The following SSX2IP variants were observed in gnomAD, a reference collection of about 807,000 sequenced individuals.
The protein encoded by SSX2IP is SSX family member 2 interacting protein.
A neutral mutation model predicts 84.9 loss-of-function variants in SSX2IP; 55 were observed. That is an observed-to-expected ratio of 0.65 (90% CI 0.52 to 0.81). The LOEUF is 0.81. SSX2IP is among the 30% of genes least tolerant of loss of function. SSX2IP has a pLI of 0.00. For missense variants in SSX2IP, 664 were observed against 705.2 expected, an observed-to-expected ratio of 0.94 and a Z score of 0.66; for synonymous variants, 239 against 234.7, an observed-to-expected ratio of 1.02 and a Z score of -0.17.
At chr1:84,676,976 AAGT>A (rs1353790403) in intron 1 of SSX2IP, among the ~76,000 whole-genome samples, 1 of 151,972 alleles carries the variant, frequency 6.6e-6, no homozygotes, top group Non-Finnish European at 1.5e-5. Context: ...CGGACTTCCA[AAGT>A]GCTGGGATTA....
chr1:84,684,979 G>A (rs1183222239), intron 1 of SSX2IP, among the ~76,000 whole-genome samples: 1 of 151,700 alleles, frequency 6.6e-6, no homozygotes, highest in Non-Finnish European at 1.5e-5. Flanking sequence ...AAGGAATGGA[G>A]GGGCCCACAG....
chr1:84,661,926 A>C (rs895952032), intron 8 of SSX2IP, among the ~76,000 whole-genome samples: 2 of 152,204 alleles, frequency 1.3e-5, no homozygotes, highest in Non-Finnish European at 2.9e-5. Flanking sequence ...GTTATGAGGA[A>C]TATTATAAAA....
intron 1 of SSX2IP, among the ~76,000 whole-genome samples, chr1:84,679,281 C>T (rs1323906227): frequency 6.6e-6 from 1 of 152,172 alleles, no homozygotes; most frequent in Non-Finnish European, 1.5e-5. Flanking sequence ...AATATCTCTG[C>T]ACCTTAAAAT....
Position 84,647,581 on chromosome 1 carries a change from G to A in SSX2IP, c.1697C>T (p.Ala566Val), listed in dbSNP as rs780760560. 6 of 1,610,728 alleles carry A rather than the reference G, an allele frequency of 3.7e-6. No individual in the cohort carries two copies. Among genetic ancestry groups the A allele is most frequent in the Non-Finnish European group, 5.1e-6 (6 of 1,178,216 alleles). ...AACCTGATTTGGTTTAATTTCTTCA[G>A]CAGTTATATTCAGTACATTGATTGA... Reference protein sequence around the residue: ...HSSINVLNITAEEIKPNQVGG... With the variant: ...HSSINVLNITVEEIKPNQVGG... Residue 566 changes from alanine to valine, a missense_variant, in exon 14 of 14, where the codon GCT becomes GTT. By Grantham distance (64) the Ala-to-Val change is moderately conservative. Coordinates refer to ENST00000342203, the MANE Select transcript of SSX2IP (RefSeq NM_001166293.2).
At chr1:84,647,948 C>T (rs1030634367) in intron 13 of SSX2IP, among the ~76,000 whole-genome samples, 1 of 151,836 alleles carries the variant, frequency 6.6e-6, no homozygotes, top group Non-Finnish European at 1.5e-5. Flanking sequence ...TTCTGATGAC[C>T]AAATTACTAT....
At position 84,664,561 on chromosome 1, in the gene SSX2IP, G is replaced by C; in HGVS notation, c.538-9C>G. On this transcript the variant is annotated splice_polypyrimidine_tract_variant and intron_variant, in intron 5 of 13. Transcript: ENST00000342203. ...TTTTGTAATTTTTGCACCTGAAAAA[G>C]GCATTTGCTATTATAAGCCCAGTAA... The C allele has an allele frequency of 6.4e-7, 1 of 1,566,298 alleles. No individual in the cohort carries two copies. The highest frequency in any genetic ancestry group is 8.6e-7 in the Non-Finnish European group (1 of 1,162,934).
At chr1:84,650,633 G>A in intron 12 of SSX2IP, 106 bp from the exon 13 acceptor site, 1 of 1,164,316 alleles carries the variant, frequency 8.6e-7, no homozygotes. Context: ...AGTGAGGAAA[G>A]AGATGGAACA....
At chr1:84,676,689 AATCTG>A (rs1223777532) in intron 1 of SSX2IP, among the ~76,000 whole-genome samples, 2 of 147,762 alleles carry the variant, frequency 1.4e-5, no homozygotes, top group Non-Finnish European at 3.0e-5. Flanking sequence ...CCAGGAAACA[AATCTG>A]ATTTCAAGAC....
rs375144986 is a variant in SSX2IP at position 84,682,504 on chromosome 1, CT to C, written c.-90+7866del. Reference sequence around the variant, plus strand: ...TTATATCAAAATTATTTTGTCTTCACTTTTTTTTTTTTTTTTGAGACGGAGT... The same window carrying C: ...TTATATCAAAATTATTTTGTCTTCACTTTTTTTTTTTTTTTGAGACGGAGT... On this transcript the variant is annotated intron_variant, in intron 1 of 13. Transcript: ENST00000342203. 2.2e-3 allele frequency among the ~76,000 whole-genome samples: 302 copies of C among 140,240 alleles called. 1 individual carries two copies. The highest frequency in any genetic ancestry group is 0.013 in the East Asian group (65 of 4,924). 92.0% of individuals were successfully genotyped at this position (140,240 alleles called of 152,430 possible).
chr1:84,671,122 A>C, intron 2 of SSX2IP, 55 bp downstream of exon 2: 2 of 1,575,858 alleles, frequency 1.3e-6, no homozygotes, highest in African/African-American at 1.4e-5. Context: ...ATTTTCATTG[A>C]AAAATTCACC....
chr1:84,666,322 TC>T (rs11305821), intron 4 of SSX2IP, 90 bp from the exon 5 acceptor site: 46,834 of 916,202 alleles, frequency 0.051, 1,925 homozygotes, highest in African/African-American at 0.17. Flanking sequence ...AAGTTATACA[TC>T]CTAGTGTTTA....
intron 1 of SSX2IP, among the ~76,000 whole-genome samples, chr1:84,672,478 AG>A (rs1345779797): frequency 2.0e-5 from 3 of 152,052 alleles, no homozygotes; most frequent in Non-Finnish European, 4.4e-5. Context: ...GAAGGAAATG[AG>A]TGAGTCTGGG....
intron 11 of SSX2IP, chr1:84,652,450 A>G (rs1349869555): frequency 1.7e-5 from 2 of 118,476 alleles, no homozygotes; most frequent in Non-Finnish European, 3.6e-5. Context: ...AAAAAAAAAA[A>G]GCCGGGCGCA....
chr1:84,685,575 C>T (rs1655671714), intron 1 of SSX2IP, among the ~76,000 whole-genome samples: 1 of 152,190 alleles, frequency 6.6e-6, no homozygotes. Context: ...AGTTACAAAC[C>T]TGGAAGACAG....
rs779723222 is a variant in SSX2IP at position 84,670,858 on chromosome 1, G to A, written c.44-43C>T. The A allele has an allele frequency of 2.3e-5, 34 of 1,490,918 alleles. 1 individual carries two copies. In the South Asian group the frequency reaches 2.3e-4, roughly 10 times the overall value. The allele number at this position is 1,490,918 out of a possible 1,614,324, so 92.4% of individuals were successfully genotyped here. On this transcript the variant is annotated intron_variant, in intron 2 of 13. Coordinates refer to ENST00000342203, the MANE Select transcript of SSX2IP (RefSeq NM_001166293.2). ...ATCTATATAAATAATTTAGAAAAAC[G>A]TATGTAAAGCTAACATAATCGCCAT...
intron 1 of SSX2IP, among the ~76,000 whole-genome samples, chr1:84,677,486 T>C (rs1214235870): frequency 2.0e-5 from 3 of 152,292 alleles, no homozygotes; most frequent in Admixed American, 6.5e-5. Flanking sequence ...AAGCAGTCTC[T>C]AGGATGGCTC....
chr1:84,651,223 A>G (rs1029457670), intron 12 of SSX2IP, among the ~76,000 whole-genome samples: 1 of 152,070 alleles, frequency 6.6e-6, no homozygotes, highest in Admixed American at 6.5e-5. Flanking sequence ...AGGCTGAGGC[A>G]AGGAGGATTG....
At position 84,658,363 on chromosome 1, in the gene SSX2IP, G is replaced by C; in HGVS notation, c.1033C>G (p.Gln345Glu). The change falls in exon 9 of 14, where the codon CAG becomes GAG. Residue 345 changes from glutamine to glutamate, a missense_variant. Coordinates refer to ENST00000342203, the MANE Select transcript of SSX2IP (RefSeq NM_001166293.2). Reference protein sequence around the residue: ...REQLTNSIRKQWRILKSHVEK... With the variant: ...REQLTNSIRKEWRILKSHVEK... Reference sequence around the variant, plus strand: ...ACATGACTTTTCAAAATTCTCCACTGTTTTCTGATGCTGTTTGTAAGCTGC... The same window carrying C: ...ACATGACTTTTCAAAATTCTCCACTCTTTTCTGATGCTGTTTGTAAGCTGC... The C allele has an allele frequency of 2.5e-6, 4 of 1,614,070 alleles. No homozygotes were observed. The highest frequency in any genetic ancestry group is 3.4e-6 in the Non-Finnish European group (4 of 1,180,008).
rs984074841 is a variant in SSX2IP, at chr1:84,644,575, C to T, written c.*2858G>A. The T allele has an allele frequency of 6.6e-6, 1 of 152,180 alleles. No individual in the cohort carries two copies. The highest frequency in any genetic ancestry group is 1.5e-5 in the Non-Finnish European group (1 of 68,028). 9.4% of individuals were successfully genotyped at this position (152,180 alleles called of 1,614,324 possible). Reference sequence around the variant, plus strand: ...ATATTAGGCAATATACTTTGAAGATCTGTACAACATAGTAATCACAGCAGG... The same window carrying T: ...ATATTAGGCAATATACTTTGAAGATTTGTACAACATAGTAATCACAGCAGG... On this transcript the variant is annotated 3_prime_UTR_variant, in exon 14 of 14. Coordinates refer to ENST00000342203, the MANE Select transcript of SSX2IP (RefSeq NM_001166293.2).
Sources: allele counts gnomAD v4.1 joint callset (sites outside exome capture counted in the v4.1 genomes callset), GRCh38; gene constraint gnomAD v4.1.1; transcripts MANE v1.5; gene names NCBI Gene and HGNC (gene_info 2026-07-23, HGNC 2026-07-21).